The following CMTR2 variants were observed in gnomAD, a reference collection of about 807,000 sequenced individuals.
CMTR2 encodes the protein cap methyltransferase 2.
A neutral mutation model predicts 49.8 loss-of-function variants in CMTR2; 40 were observed. The observed-to-expected ratio is 0.80, with a 90% confidence interval of 0.62 to 1.04. The LOEUF (loss-of-function observed/expected upper bound fraction) is 1.04. Among genes scored for constraint, CMTR2 ranks in the 50% least tolerant of loss-of-function variants. The pLI, the probability that CMTR2 is intolerant of heterozygous loss-of-function variation, is 0.00. For synonymous variants in CMTR2, 326 were observed against 315.8 expected, an observed-to-expected ratio of 1.03 and a Z score of -0.34; for missense variants, 907 against 897.2, an observed-to-expected ratio of 1.01 and a Z score of -0.14.
At chr16:71,287,057 G>T (rs944657895) in intron 2 of CMTR2, 1 of 152,108 alleles carries the variant, frequency 6.6e-6, no homozygotes, top group Non-Finnish European at 1.5e-5. Context: ...GTACCTGTTA[G>T]TGCAATGTTA....
At chr16:71,288,737 G>C (rs1050597330) in intron 2 of CMTR2, 141 bp downstream of exon 2, 1 of 151,310 alleles carries the variant, frequency 6.6e-6, no homozygotes, top group Non-Finnish European at 1.5e-5. Context: ...ACAGTCCTTT[G>C]AGCTTTGTGA....
At chr16:71,289,538 C>T (rs890363527), upstream of CMTR2, 1 of 152,214 alleles carries the variant, frequency 6.6e-6, no homozygotes, top group East Asian at 1.9e-4. Flanking sequence ...CTGGGAGGCG[C>T]CAGCCTCCCG....
chr16:71,289,649 G>GGAGGGGAAGGGGGAGGGT (rs2041804456), upstream of CMTR2: 1 of 150,280 alleles, frequency 6.7e-6, no homozygotes, highest in African/African-American at 2.4e-5. Context: ...GAGGCGAAGG[G>GGAGGGGAAGGGGGAGGGT]GAGGGGGAGG....
rs746837766 is a variant in CMTR2 at position 71,284,778 on chromosome 16, T to C, written c.1143A>G (p.Leu381=). The change falls in exon 3 of 3, where the codon CTA becomes CTG. Residue 381 remains leucine, a synonymous_variant. Transcript: ENST00000434935. ...GTTCCGCCTTTCCCATGCACTCAAA[T>C]AGACGAATGTTTTCAGAAATAGTCT... ...QLETISENIR[L]FECMGKAEQE... 1.2e-5 allele frequency: 19 copies of C among 1,613,708 alleles called. No individual in the cohort carries two copies. Among genetic ancestry groups the C allele is most frequent in the Admixed American group, 1.7e-5 (1 of 59,964 alleles).
In CMTR2 at chr16:71,283,720, G is replaced by A. The variant is rs1322490380; in HGVS notation, c.2201C>T (p.Ala734Val). Residue 734 changes from alanine to valine, a missense_variant, in exon 3 of 3, where the codon GCC becomes GTC. Coordinates refer to ENST00000434935, the MANE Select transcript of CMTR2 (RefSeq NM_018348.6). ...CAAATCCCACAAAAAATCAAGCAGG[G>A]CCCCCTTAAGGAGTACCTCCATTGG... is the stretch of plus-strand genomic sequence containing the variant. ...FVPMEVLLKG[A>V]LLDFLWDLNA... The A allele has an allele frequency of 1.2e-6, 2 of 1,613,786 alleles. No individual in the cohort carries two copies. Among genetic ancestry groups the A allele is most frequent in the Non-Finnish European group, 1.7e-6 (2 of 1,179,910 alleles).
Position 71,283,674 on chromosome 16 carries a change from C to G in CMTR2, c.2247G>C (p.Arg749Ser), listed in dbSNP as rs1462530976. Residue 749 changes from arginine (R) to serine (S), a missense_variant, in exon 3 of 3, where the codon AGG becomes AGC. Physicochemically the swap from Arg to Ser is moderately radical, Grantham distance 110. Transcript: ENST00000434935. ...CTCTTTGAATAATGAAATGCAAATG[C>G]CTTTTAGCAATGGCAGCATTCAAAT... ...LWDLNAAIAKRHLHFIIQRER... is the reference protein window; with the variant it reads ...LWDLNAAIAKSHLHFIIQRER... 5 of 1,613,636 alleles carry G rather than the reference C, an allele frequency of 3.1e-6. No homozygotes were observed. The highest frequency in any genetic ancestry group is 3.3e-5 in the Admixed American group (2 of 59,932).
At chr16:71,287,365 T>G (rs1189863279) in intron 2 of CMTR2, 1 of 152,232 alleles carries the variant, frequency 6.6e-6, no homozygotes, top group African/African-American at 2.4e-5. Context: ...ACTCTACCAG[T>G]TTGTAATTTC....
chr16:71,283,658 T>A lies in CMTR2; in HGVS notation c.2263A>T (p.Ile755Phe), dbSNP rs2041651176. Residue 755 changes from isoleucine (I) to phenylalanine (F), a missense_variant, in exon 3 of 3, where the codon ATT becomes TTT. Transcript: ENST00000434935. ...ATAATTTCTTCTCTCTCTCTTTGAATAATGAAATGCAAATGCCTTTTAGCA... is the reference window on the plus strand; with the variant it reads ...ATAATTTCTTCTCTCTCTCTTTGAAAAATGAAATGCAAATGCCTTTTAGCA... The part of the protein sequence containing the change: ...AIAKRHLHFI[I>F]QREREEIINS... The A allele has an allele frequency of 6.2e-7, 1 of 1,613,600 alleles. No individual in the cohort carries two copies. Among genetic ancestry groups the A allele is most frequent in the Non-Finnish European group, 8.5e-7 (1 of 1,179,714 alleles).
Position 71,285,449 on chromosome 16 carries a change from A to G in CMTR2, c.472T>C (p.Leu158=). The part of the protein sequence containing the change: ...GAFIASLNHY[L]KSHRFPCHWS... Reference sequence around the variant, plus strand: ...TGACAAGGAAACCGATGGGATTTTAAGTAGTGGTTGAGACTAGCTATAAAA... The same window carrying G: ...TGACAAGGAAACCGATGGGATTTTAGGTAGTGGTTGAGACTAGCTATAAAA... Residue 158 remains leucine (L), a synonymous_variant, in exon 3 of 3, where the codon TTA becomes CTA. Transcript: ENST00000434935. 6.2e-7 allele frequency: 1 copy of G among 1,614,154 alleles called. No individual in the cohort carries two copies. Among genetic ancestry groups the G allele is most frequent in the Non-Finnish European group, 8.5e-7 (1 of 1,179,992 alleles).
At position 71,285,801 on chromosome 16, in the gene CMTR2, A is replaced by C. The variant is rs1187379245; in HGVS notation, c.120T>G (p.Leu40=). 2 of 1,613,896 alleles carry C rather than the reference A, an allele frequency of 1.2e-6. No individual in the cohort carries two copies. The highest frequency in any genetic ancestry group is 2.7e-5 in the African/African-American group (2 of 74,912). Residue 40 remains leucine (L), a synonymous_variant, in exon 3 of 3, where the codon CTT becomes CTG. Transcript: ENST00000434935. The part of the protein sequence containing the change: ...FAKNFSYGKP[L]NNEWQLPDPS... ...GATCTGGTAACTGCCACTCATTATT[A>C]AGTGGCTTGCCATAAGAAAAGTTCT... is the stretch of plus-strand genomic sequence containing the variant.
chr16:71,284,998 G>C lies in CMTR2; in HGVS notation c.923C>G (p.Ala308Gly). 2 of 1,614,006 alleles carry C rather than the reference G, an allele frequency of 1.2e-6. No homozygotes were observed. The highest frequency in any genetic ancestry group is 1.7e-6 in the Non-Finnish European group (2 of 1,179,952). ...VHVFKPATSK[A>G]GNSEVYVVCL... ...AACCACATAGACTTCGGAGTTTCCT[G>C]CCTTGCTAGTAGCAGGTTTGAAAAC... The change falls in exon 3 of 3, where the codon GCA (alanine) becomes GGA (glycine). Residue 308 changes from alanine to glycine, a missense_variant. By Grantham distance (60) the Ala-to-Gly change is moderately conservative (BLOSUM62 0). Transcript: ENST00000434935.
rs1360530598 is a variant in CMTR2 at position 71,284,583 on chromosome 16, TTCATTA to T, written c.1332_1337del (p.Tyr444_Glu446delinsTer). The T allele has an allele frequency of 1.2e-6, 2 of 1,613,874 alleles. No homozygotes were observed. Among genetic ancestry groups the T allele is most frequent in the Non-Finnish European group, 1.7e-6 (2 of 1,179,900 alleles). On this transcript the variant is annotated stop_gained and inframe_deletion, in exon 3 of 3. Coordinates refer to ENST00000434935, the MANE Select transcript of CMTR2 (RefSeq NM_018348.6). LOFTEE classifies it high-confidence loss of function. ...ATGAAAGGGCTTCTAGCATCTTCCT[TTCATTA>T]TAAGTTTTAAAATATTTGTTCCTCT...
chr16:71,286,298 T>C (rs2041725721), intron 2 of CMTR2, among the ~76,000 whole-genome samples: 1 of 152,172 alleles, frequency 6.6e-6, no homozygotes, highest in African/African-American at 2.4e-5. Context: ...ATGACAGCTC[T>C]GATTATCATA....
rs139187106 is a variant in CMTR2, at chr16:71,285,756, A to C, written c.165T>G (p.Cys55Trp). Residue 55 changes from cysteine to tryptophan, a missense_variant, in exon 3 of 3, where the codon TGT becomes TGG. Cys to Trp is a radical substitution (Grantham distance 215). Transcript: ENST00000434935. ...QLPDPSEIFTCDHTELNAFLD... is the reference protein window; with the variant it reads ...QLPDPSEIFTWDHTELNAFLD... ...GAAATGCATTAAGTTCAGTGTGGTCACAGGTGAAAATCTCACTGGGATCTG... is the reference window on the plus strand; with the variant it reads ...GAAATGCATTAAGTTCAGTGTGGTCCCAGGTGAAAATCTCACTGGGATCTG... 42 of 1,613,920 alleles carry C rather than the reference A, an allele frequency of 2.6e-5. No homozygotes were observed. The African/African-American group carries it at 5.2e-4, about 20-fold the overall frequency.
rs777295271 is a variant in CMTR2, at chr16:71,283,797, C to A, written c.2124G>T (p.Leu708Phe). The change falls in exon 3 of 3, where the codon TTG (leucine) becomes TTT (phenylalanine). Residue 708 changes from leucine to phenylalanine, a missense_variant. Coordinates refer to ENST00000434935, the MANE Select transcript of CMTR2 (RefSeq NM_018348.6). ...AGTCAGAGTTGAGCAAAGTGCTCAA[C>A]AATTCATTCACACTCTGCAAATATC... ...VFRYLQSVNELLSTLLNSDSP... is the reference protein window; with the variant it reads ...VFRYLQSVNEFLSTLLNSDSP... The A allele has an allele frequency of 1.2e-6, 2 of 1,613,810 alleles. No homozygotes were observed. Among genetic ancestry groups the A allele is most frequent in the Middle Eastern group, 1.6e-4 (1 of 6,082 alleles).
chr16:71,287,081 T>TGCAGAA (rs2041740031), intron 2 of CMTR2: 1 of 152,136 alleles, frequency 6.6e-6, no homozygotes. Flanking sequence ...AATAGATGCT[T>TGCAGAA]TAGTTCACAA....
Position 71,283,710 on chromosome 16 carries a change from A to G in CMTR2, c.2211T>C (p.Asp737=), listed in dbSNP as rs765129642. ...TGGCAGCATTCAAATCCCACAAAAA[A>G]TCAAGCAGGGCCCCCTTAAGGAGTA... ...MEVLLKGALL[D]FLWDLNAAIA... The change falls in exon 3 of 3, where the codon GAT becomes GAC. Residue 737 remains aspartate (D), a synonymous_variant. Transcript: ENST00000434935. The G allele has an allele frequency of 5.0e-6, 8 of 1,613,834 alleles. No individual in the cohort carries two copies. Among genetic ancestry groups the G allele is most frequent in the Admixed American group, 1.7e-5 (1 of 59,952 alleles).
chr16:71,285,192 G>C lies in CMTR2; in HGVS notation c.729C>G (p.Asn243Lys), dbSNP rs1275752393. ...TADGSFDCQG[N>K]PGEQEALVSS... ...AAACTAAAGCTTCTTGTTCACCTGGGTTTCCTTGGCAATCAAAACTCCCAT... is the reference window on the plus strand; with the variant it reads ...AAACTAAAGCTTCTTGTTCACCTGGCTTTCCTTGGCAATCAAAACTCCCAT... The change falls in exon 3 of 3, where the codon AAC (asparagine) becomes AAG (lysine). Residue 243 changes from asparagine to lysine, a missense_variant. Asn to Lys is a moderately conservative substitution (Grantham distance 94, BLOSUM62 0). Coordinates refer to ENST00000434935, the MANE Select transcript of CMTR2 (RefSeq NM_018348.6). The C allele has an allele frequency of 6.2e-7, 1 of 1,614,028 alleles. No individual in the cohort carries two copies. Among genetic ancestry groups the C allele is most frequent in the East Asian group, 2.2e-5 (1 of 44,882 alleles).
chr16:71,283,819 T>C lies in CMTR2; in HGVS notation c.2102A>G (p.Tyr701Cys). Residue 701 changes from tyrosine (Y) to cysteine (C), a missense_variant, in exon 3 of 3, where the codon TAT becomes TGT. Physicochemically the swap from Tyr to Cys is radical, Grantham distance 194 (BLOSUM62 -2). Coordinates refer to ENST00000434935, the MANE Select transcript of CMTR2 (RefSeq NM_018348.6). ...CAACAATTCATTCACACTCTGCAAA[T>C]ATCGGAAAACTGGATTTGGAAGGTC... ...YQDLPNPVFR[Y>C]LQSVNELLST... The C allele has an allele frequency of 6.2e-7, 1 of 1,613,878 alleles. No individual in the cohort carries two copies. The highest frequency in any genetic ancestry group is 1.1e-5 in the South Asian group (1 of 91,062).
Sources: gnomAD v4.1 joint callset for allele counts (sites outside exome capture counted in the v4.1 genomes callset) on GRCh38, gnomAD v4.1.1 for gene constraint, MANE v1.5 for transcripts, NCBI Gene and HGNC (gene_info 2026-07-23, HGNC 2026-07-21) for gene names.